Variants in FGF14 observed in about 807,000 individuals in gnomAD.
The protein encoded by FGF14 is fibroblast growth factor homologous factor 4.
FGF14 carries 5 observed loss-of-function variants against 25.5 expected under a neutral mutation model. The observed-to-expected ratio is 0.20, with a 90% CI of 0.10 to 0.41. The LOEUF is 0.41. FGF14 is among the 10% of genes least tolerant of loss of function. FGF14 has a pLI of 1.00. For missense variants in FGF14, 222 were observed against 320.1 expected (o/e 0.69, Z 2.34); for synonymous variants, 138 against 118.3 (o/e 1.17, Z -1.08).
At chr13:101,922,320 T>C (rs1819741097) in intron 1 of FGF14, among the ~76,000 whole-genome samples, 1 of 152,206 alleles carries the variant, frequency 6.6e-6, no homozygotes, top group Non-Finnish European at 1.5e-5. Flanking sequence ...GAAAATACTT[T>C]AGCCTTTGCT....
At chr13:102,108,489 G>T (rs2045043009) in intron 1 of FGF14, among the ~76,000 whole-genome samples, 2 of 152,178 alleles carry the variant, frequency 1.3e-5, no homozygotes, top group Admixed American at 1.3e-4. Flanking sequence ...GAATTAGATT[G>T]GATCTCTGTG....
intron 1 of FGF14, among the ~76,000 whole-genome samples, chr13:102,095,355 G>A (rs912679312): frequency 3.3e-5 from 5 of 152,086 alleles, no homozygotes; most frequent in African/African-American, 1.2e-4. Context: ...CATCAGTTTG[G>A]CAGAAGGGTT....
chr13:101,823,801 C>A (rs2042274379), intron 3 of FGF14, among the ~76,000 whole-genome samples: 1 of 149,670 alleles, frequency 6.7e-6, no homozygotes. Flanking sequence ...TATAAAGATA[C>A]ATATTATATG....
At chr13:102,317,754 A>C (rs2056088716) in intron 1 of FGF14, among the ~76,000 whole-genome samples, 1 of 152,092 alleles carries the variant, frequency 6.6e-6, no homozygotes, top group Non-Finnish European at 1.5e-5. Flanking sequence ...GGCTTCTACC[A>C]AATGTGACAA....
intron 1 of FGF14, among the ~76,000 whole-genome samples, chr13:102,043,757 C>T (rs58863358): frequency 0.066 from 10,009 of 152,132 alleles, 662 homozygotes; most frequent in African/African-American, 0.17. Context: ...ACGGTTCCAG[C>T]ATTTATCTTG....
chr13:102,074,631 A>G (rs2043288022), intron 1 of FGF14, among the ~76,000 whole-genome samples: 1 of 152,200 alleles, frequency 6.6e-6, no homozygotes, highest in Non-Finnish European at 1.5e-5. Context: ...ACGACACTAC[A>G]AGAAAAGAAA....
rs1397291491 is a variant in FGF14, at chr13:101,765,452, A to G, written c.409-38642T>C. ...ATAGATTAGGTTAATAGTGGTAAAA[A>G]GATGCCTTGCTGTCTCTCACAAATT... On this transcript the variant is annotated intron_variant, in intron 3 of 4. Transcript: ENST00000376143. Among the ~76,000 whole-genome samples, 6 of 152,190 alleles carry G rather than the reference A, an allele frequency of 3.9e-5. No homozygotes were observed. The East Asian group carries it at 1.2e-3, about 29-fold the overall frequency.
chr13:101,920,008 A>G (rs1362872290), upstream of FGF14, among the ~76,000 whole-genome samples: 1 of 152,204 alleles, frequency 6.6e-6, no homozygotes, highest in African/African-American at 2.4e-5. Flanking sequence ...GGGGGGCAGC[A>G]TTGGGATAAT....
chr13:101,823,459 T>C (rs2140247289), intron 3 of FGF14, among the ~76,000 whole-genome samples: 1 of 150,340 alleles, frequency 6.7e-6, no homozygotes, highest in South Asian at 2.1e-4. Context: ...TGTTTTGAGA[T>C]GGAGTTTTGC....
At chr13:102,210,485 T>C (rs1256245040) in intron 1 of FGF14, among the ~76,000 whole-genome samples, 4 of 152,200 alleles carry the variant, frequency 2.6e-5, no homozygotes, top group African/African-American at 9.7e-5. Context: ...AAATTTGTGA[T>C]ATAAATTTTA....
At chr13:102,114,955 T>G (rs941335248) in intron 1 of FGF14, among the ~76,000 whole-genome samples, 1 of 152,152 alleles carries the variant, frequency 6.6e-6, no homozygotes, top group Non-Finnish European at 1.5e-5. Flanking sequence ...ACAAATTAGT[T>G]AAGAGCATAT....
intron 3 of FGF14, among the ~76,000 whole-genome samples, chr13:101,836,233 C>T (rs755730269): frequency 2.2e-4 from 34 of 152,014 alleles, no homozygotes; most frequent in Non-Finnish European, 4.0e-4. Flanking sequence ...CTGCCAAGAA[C>T]AAAAGGCTCT....
At chr13:102,170,324 CTCT>C (rs891244529) in intron 1 of FGF14, among the ~76,000 whole-genome samples, 1 of 151,908 alleles carries the variant, frequency 6.6e-6, no homozygotes, top group Non-Finnish European at 1.5e-5. Flanking sequence ...TCCTTTTTGC[CTCT>C]TCTTCTCCCT....
intron 1 of FGF14, among the ~76,000 whole-genome samples, chr13:101,985,018 A>C (rs2038484371): frequency 6.6e-6 from 1 of 152,006 alleles, no homozygotes; most frequent in South Asian, 2.1e-4. Context: ...CTACATCATA[A>C]AACCATATAG....
At chr13:102,319,352 C>T (rs913016131) in intron 1 of FGF14, among the ~76,000 whole-genome samples, 28 of 152,292 alleles carry the variant, frequency 1.8e-4, no homozygotes, top group African/African-American at 6.5e-4. Flanking sequence ...GGGGAACACA[C>T]CCCCTGCTCT....
intron 2 of FGF14, among the ~76,000 whole-genome samples, chr13:101,873,308 G>C (rs184365703): frequency 6.6e-6 from 1 of 152,162 alleles, no homozygotes; most frequent in East Asian, 1.9e-4. Flanking sequence ...AAAAATGCTA[G>C]AGAAAAAACA....
At chr13:102,017,051 A>G (rs2040384611) in intron 1 of FGF14, 2 of 160,990 alleles carry the variant, frequency 1.2e-5, no homozygotes, top group African/African-American at 4.8e-5. Context: ...TGAAATAACT[A>G]ACTACCTTCA....
chr13:102,370,623 A>C (rs1250063122), intron 1 of FGF14, among the ~76,000 whole-genome samples: 1 of 152,098 alleles, frequency 6.6e-6, no homozygotes. Context: ...AATTTTGATA[A>C]AATCATTATG....
chr13:101,768,141 A>T (rs1039827067), intron 3 of FGF14, among the ~76,000 whole-genome samples: 1 of 152,164 alleles, frequency 6.6e-6, no homozygotes, highest in Non-Finnish European at 1.5e-5. Flanking sequence ...CTATTATTTT[A>T]AAAATAATAC....
Sources: allele counts gnomAD v4.1 joint callset (sites outside exome capture counted in the v4.1 genomes callset), GRCh38; gene constraint gnomAD v4.1.1; transcripts MANE v1.5; gene names NCBI Gene and HGNC (gene_info 2026-07-23, HGNC 2026-07-21).